ATP9B: variants seen among roughly 807,000 people sequenced by gnomAD.
The protein encoded by ATP9B is probable phospholipid-transporting ATPase IIB.
In ATP9B, 110 loss-of-function variants were observed where a neutral mutation model predicts 146.1. The ratio of observed to expected loss-of-function variants is 0.75; its 90% confidence interval spans 0.65 to 0.88. The LOEUF (loss-of-function observed/expected upper bound fraction) is 0.88. Ranked by LOEUF, ATP9B falls within the 40% of genes least tolerant of loss-of-function variation. The pLI is 0.00. For synonymous variants in ATP9B, 604 were observed against 569.7 expected (o/e 1.06, Z -0.86); for missense variants, 1,499 against 1,496.4 (o/e 1.00, Z -0.03).
At chr18:79,124,905 G>A (rs982695241) in intron 4 of ATP9B, among the ~76,000 whole-genome samples, 1 of 152,136 alleles carries the variant, frequency 6.6e-6, no homozygotes, top group African/African-American at 2.4e-5. Flanking sequence ...GGCCATCAGT[G>A]GGCTGAGGCC....
chr18:79,131,472 G>C (rs2094377293), intron 5 of ATP9B, among the ~76,000 whole-genome samples: 2 of 152,150 alleles, frequency 1.3e-5, no homozygotes, highest in South Asian at 4.1e-4. Context: ...ATCTCTATGA[G>C]ACATCACCAT....
chr18:79,231,471 C>T (rs1358337812), intron 11 of ATP9B, among the ~76,000 whole-genome samples: 2 of 152,068 alleles, frequency 1.3e-5, no homozygotes, highest in Non-Finnish European at 2.9e-5. Context: ...GCAAGAATGG[C>T]CATAATCAAA....
At chr18:79,100,735 G>T (rs1418882802) in intron 2 of ATP9B, among the ~76,000 whole-genome samples, 1 of 152,194 alleles carries the variant, frequency 6.6e-6, no homozygotes, top group African/African-American at 2.4e-5. Context: ...AAGAGGTTCA[G>T]TTAGACTCAC....
chr18:79,193,069 A>C, intron 8 of ATP9B, 114 bp from the exon 9 acceptor site: 1 of 767,006 alleles, frequency 1.3e-6, no homozygotes, highest in Middle Eastern at 3.6e-4. Context: ...TAAGAAAATC[A>C]ATGATTGCTT....
rs754189344 is a variant in ATP9B, at chr18:79,347,955, G to GAGGGCAGGGTCCAGGA, written c.2838+43_2838+58dup. 1.7e-5 allele frequency: 27 copies of GAGGGCAGGGTCCAGGA among 1,606,782 alleles called. No individual in the cohort carries two copies. In the East Asian group the frequency reaches 2.2e-4, roughly 13 times the overall value. On this transcript the variant is annotated intron_variant, in intron 24 of 29. Coordinates refer to ENST00000426216, the MANE Select transcript of ATP9B (RefSeq NM_198531.5). Reference sequence around the variant, plus strand: ...TAAGCCTTCTGTGCTGGCACCCATGGAGGGCAGGGTCCAGGAAGGGCAGGG... The same window carrying GAGGGCAGGGTCCAGGA: ...TAAGCCTTCTGTGCTGGCACCCATGGAGGGCAGGGTCCAGGAAGGGCAGGGTCCAGGAAGGGCAGGG...
intron 25 of ATP9B, among the ~76,000 whole-genome samples, chr18:79,356,251 T>TA (rs1386738634): frequency 6.6e-6 from 1 of 152,148 alleles, no homozygotes; most frequent in Non-Finnish European, 1.5e-5. Context: ...AGCTCTTACA[T>TA]TGCTGTAGGA....
At chr18:79,325,993 G>A (rs1242801238) in intron 15 of ATP9B, among the ~76,000 whole-genome samples, 29 of 132,560 alleles carry the variant, frequency 2.2e-4, no homozygotes, top group East Asian at 2.0e-3. Flanking sequence ...GTGTTAGGGT[G>A]TCATCTCTGT....
chr18:79,083,464 T>A (rs1568380608), intron 1 of ATP9B, among the ~76,000 whole-genome samples: 1 of 152,140 alleles, frequency 6.6e-6, no homozygotes, highest in Non-Finnish European at 1.5e-5. Context: ...GAAAAAAGAC[T>A]CCTGCAGCTA....
intron 11 of ATP9B, among the ~76,000 whole-genome samples, chr18:79,222,313 C>T (rs2095687850): frequency 6.6e-6 from 1 of 151,620 alleles, no homozygotes; most frequent in Admixed American, 6.6e-5. Flanking sequence ...GAGCCGAGAC[C>T]GCACCACTGC....
chr18:79,222,369 A>AG (rs1258961095), intron 11 of ATP9B, among the ~76,000 whole-genome samples: 2 of 152,050 alleles, frequency 1.3e-5, no homozygotes, highest in African/African-American at 4.8e-5. Context: ...AAAAAAAAAA[A>AG]AGACACTTTG....
intron 9 of ATP9B, among the ~76,000 whole-genome samples, chr18:79,195,585 A>G (rs538673097): frequency 6.6e-6 from 1 of 152,382 alleles, no homozygotes; most frequent in South Asian, 2.1e-4. Context: ...AAAGAACACC[A>G]TAAATCAGAC....
intron 13 of ATP9B, among the ~76,000 whole-genome samples, chr18:79,293,598 C>G (rs1294080771): frequency 6.6e-6 from 1 of 152,200 alleles, no homozygotes; most frequent in Non-Finnish European, 1.5e-5. Context: ...GATGCAGCAC[C>G]TCAGCCTCGG....
chr18:79,173,030 C>T (rs1226727375), intron 7 of ATP9B, among the ~76,000 whole-genome samples: 3 of 152,096 alleles, frequency 2.0e-5, no homozygotes, highest in African/African-American at 4.8e-5. Context: ...CACATTTGGC[C>T]GATGTTTGAT....
intron 2 of ATP9B, among the ~76,000 whole-genome samples, chr18:79,100,419 A>G (rs1168895935): frequency 1.3e-5 from 2 of 152,128 alleles, no homozygotes; most frequent in South Asian, 2.1e-4. Context: ...GTGTTATTAG[A>G]TGATGGACAT....
chr18:79,143,719 T>C, intron 5 of ATP9B, 83 bp from the exon 6 acceptor site: 1 of 878,036 alleles, frequency 1.1e-6, no homozygotes, highest in Non-Finnish European at 1.7e-6. Flanking sequence ...AGCTTATTTC[T>C]AAAGTAATTA....
At chr18:79,355,029 G>T (rs1420213029) in intron 25 of ATP9B, among the ~76,000 whole-genome samples, 1 of 152,234 alleles carries the variant, frequency 6.6e-6, no homozygotes, top group Non-Finnish European at 1.5e-5. Context: ...CCCGGCATCT[G>T]CAGGGTGATG....
In ATP9B at chr18:79,377,387, G is replaced by T. The variant is rs757664989; in HGVS notation, c.*4G>T. ...CTACTGCAAGCTGGCCTCCTAAGGG[G>T]CTGTGCACCCCCAGCGGGCTGGCCC... is the stretch of plus-strand genomic sequence containing the variant. On this transcript the variant is annotated 3_prime_UTR_variant, in exon 30 of 30. Coordinates refer to ENST00000426216, the MANE Select transcript of ATP9B (RefSeq NM_198531.5). 6 of 1,606,560 alleles carry T rather than the reference G, an allele frequency of 3.7e-6. No individual in the cohort carries two copies. The highest frequency in any genetic ancestry group is 5.1e-6 in the Non-Finnish European group (6 of 1,179,972).
chr18:79,333,719 T>C (rs990456757), intron 17 of ATP9B, among the ~76,000 whole-genome samples: 1 of 152,094 alleles, frequency 6.6e-6, no homozygotes, highest in African/African-American at 2.4e-5. Context: ...CCGTGTGTCA[T>C]GGTGGCAGGG....
At chr18:79,130,996 A>T in intron 5 of ATP9B, among the ~76,000 whole-genome samples, 1 of 152,120 alleles carries the variant, frequency 6.6e-6, no homozygotes. Flanking sequence ...CCCTGTCTCT[A>T]CTAAAAATAC....
Sources: allele counts gnomAD v4.1 joint callset (sites outside exome capture counted in the v4.1 genomes callset), GRCh38; gene constraint gnomAD v4.1.1; transcripts MANE v1.5; gene names NCBI Gene and HGNC (gene_info 2026-07-23, HGNC 2026-07-21).